EYS: variants seen among roughly 807,000 people sequenced by gnomAD.
The protein encoded by EYS is protein eyes shut homolog.
EYS carries 250 observed loss-of-function variants against 282.1 expected under a neutral mutation model. The ratio of observed to expected loss-of-function variants is 0.89; its 90% CI spans 0.80 to 0.98. EYS has a LOEUF of 0.98. Among genes scored for constraint, EYS ranks in the 50% least tolerant of loss-of-function variants. The pLI, the probability that EYS is intolerant of heterozygous loss-of-function variation, is 0.00. For missense variants in EYS, 4,016 were observed against 3,709.0 expected (o/e 1.08, Z -2.15); for synonymous variants, 1,355 against 1,282.9 (o/e 1.06, Z -1.20).
chr6:64,112,592 C>T (rs572481600), intron 31 of EYS, among the ~76,000 whole-genome samples: 3 of 151,742 alleles, frequency 2.0e-5, no homozygotes, highest in African/African-American at 7.2e-5. Flanking sequence ...CATTGACAAC[C>T]AGTTCTGGAA....
At chr6:64,950,792 C>CATACATATATATATATAT (rs1419966413) in intron 14 of EYS, among the ~76,000 whole-genome samples, 4 of 60,912 alleles carry the variant, frequency 6.6e-5, no homozygotes, top group African/African-American at 2.1e-4. Context: ...TACACATATA[C>CATACATATATATATATAT]ATATACATAT....
At chr6:65,183,981 C>G (rs678129) in intron 12 of EYS, among the ~76,000 whole-genome samples, 52,993 of 151,650 alleles carry the variant, frequency 0.35, 10,180 homozygotes, top group African/African-American at 0.51. Flanking sequence ...TCAATGGAAT[C>G]GGAATTCCAT....
intron 11 of EYS, 140 bp downstream of exon 11, chr6:65,334,840 G>T: frequency 2.9e-6 from 2 of 682,392 alleles, no homozygotes. Context: ...AACTATATAT[G>T]TATATGTAAG....
At chr6:65,382,838 T>A (rs1765669317) in intron 8 of EYS, among the ~76,000 whole-genome samples, 1 of 151,952 alleles carries the variant, frequency 6.6e-6, no homozygotes, top group African/African-American at 2.4e-5. Context: ...CCCACCTAGA[T>A]TAAGGGTGGG....
intron 22 of EYS, among the ~76,000 whole-genome samples, chr6:64,792,163 G>A (rs1276065738): frequency 6.6e-6 from 1 of 151,744 alleles, no homozygotes. Flanking sequence ...TATGATGTCA[G>A]GTGGATATAA....
At chr6:64,466,251 A>G (rs985058146) in intron 26 of EYS, among the ~76,000 whole-genome samples, 1 of 152,148 alleles carries the variant, frequency 6.6e-6, no homozygotes, top group African/African-American at 2.4e-5. Context: ...ACTCCTGGGT[A>G]TACATCCAAA....
At chr6:64,943,777 A>C (rs1193512246) in intron 15 of EYS, among the ~76,000 whole-genome samples, 3 of 152,124 alleles carry the variant, frequency 2.0e-5, no homozygotes, top group African/African-American at 4.8e-5. Flanking sequence ...AAATGGACAT[A>C]ATGCCCAAAG....
intron 33 of EYS, among the ~76,000 whole-genome samples, chr6:63,999,903 A>C (rs193173005): frequency 6.6e-6 from 1 of 152,326 alleles, no homozygotes; most frequent in African/African-American, 2.4e-5. Flanking sequence ...AAGAAAATTC[A>C]AACAATATTA....
At chr6:64,371,032 TG>T (rs1772350572) in intron 29 of EYS, among the ~76,000 whole-genome samples, 1 of 152,108 alleles carries the variant, frequency 6.6e-6, no homozygotes, top group Non-Finnish European at 1.5e-5. Context: ...AGCTATGATT[TG>T]GGTTATTTCT....
intron 12 of EYS, among the ~76,000 whole-genome samples, chr6:65,273,332 G>A (rs554004930): frequency 3.3e-5 from 5 of 152,282 alleles, no homozygotes; most frequent in African/African-American, 1.2e-4. Context: ...TGACTCCACA[G>A]CCTTTTACCA....
At chr6:65,523,772 T>G (rs1442258354) in intron 2 of EYS, among the ~76,000 whole-genome samples, 1 of 152,166 alleles carries the variant, frequency 6.6e-6, no homozygotes, top group Non-Finnish European at 1.5e-5. Context: ...GTAGTCTACG[T>G]TATGAGAGAA....
chr6:63,848,089 T>C (rs967422282), intron 36 of EYS, among the ~76,000 whole-genome samples: 1 of 152,172 alleles, frequency 6.6e-6, no homozygotes, highest in Non-Finnish European at 1.5e-5. Context: ...AATGACCTTA[T>C]TTTGTTCTTA....
chr6:64,283,691 G>A (rs143604295), intron 30 of EYS, among the ~76,000 whole-genome samples: 1,572 of 152,228 alleles, frequency 0.01, 22 homozygotes, highest in East Asian at 0.048. Flanking sequence ...TGCTGATAAA[G>A]ACATATCTGA....
chr6:65,664,007 G>A (rs973968751), intron 1 of EYS, among the ~76,000 whole-genome samples: 30 of 151,822 alleles, frequency 2.0e-4, no homozygotes, highest in African/African-American at 7.2e-4. Flanking sequence ...GAATAGCTGG[G>A]ACTACAGGTG....
intron 36 of EYS, among the ~76,000 whole-genome samples, chr6:63,823,269 T>A (rs1771370992): frequency 6.6e-6 from 1 of 152,174 alleles, no homozygotes; most frequent in Non-Finnish European, 1.5e-5. Context: ...TAAAATGAAT[T>A]GAGAAGCACT....
chr6:64,267,585 C>T (rs1289070383), intron 30 of EYS, among the ~76,000 whole-genome samples: 1 of 152,108 alleles, frequency 6.6e-6, no homozygotes, highest in African/African-American at 2.4e-5. Context: ...CATAATGGCA[C>T]AGAAAGACCA....
intron 33 of EYS, among the ~76,000 whole-genome samples, chr6:64,016,279 T>A (rs1209774995): frequency 6.6e-6 from 1 of 152,144 alleles, no homozygotes; most frequent in Non-Finnish European, 1.5e-5. Flanking sequence ...AGACCAGGCA[T>A]TATCTCAAGT....
At chr6:65,269,519 A>G (rs1767842547) in intron 12 of EYS, among the ~76,000 whole-genome samples, 1 of 152,192 alleles carries the variant, frequency 6.6e-6, no homozygotes, top group Non-Finnish European at 1.5e-5. Context: ...CTGCTGTGAT[A>G]TGTGGGTTAG....
At chr6:64,235,065 AT>A (rs1562265165) in intron 30 of EYS, among the ~76,000 whole-genome samples, 1 of 142,170 alleles carries the variant, frequency 7.0e-6, no homozygotes, top group African/African-American at 2.6e-5. Context: ...TTGTATTTTT[AT>A]TTTTTATTTT....
Sources: allele counts gnomAD v4.1 joint callset (sites outside exome capture counted in the v4.1 genomes callset), GRCh38; gene constraint gnomAD v4.1.1; transcripts MANE v1.5; gene names NCBI Gene and HGNC (gene_info 2026-07-23, HGNC 2026-07-21).